The following CDH12 variants were observed in gnomAD, a reference collection of about 807,000 sequenced individuals.
CDH12 encodes cadherin-12.
Under a neutral mutation model 74.1 loss-of-function variants are expected in CDH12, and 41 were observed. The ratio of observed to expected loss-of-function variants is 0.55; its 90% CI spans 0.43 to 0.72. The LOEUF (loss-of-function observed/expected upper bound fraction) is 0.72. CDH12 is among the 30% of genes least tolerant of loss of function. CDH12 has a pLI of 0.00. For synonymous variants in CDH12, 399 were observed against 355.0 expected, an observed-to-expected ratio of 1.12 and a Z score of -1.39; for missense variants, 945 against 977.2, an observed-to-expected ratio of 0.97 and a Z score of 0.44.
intron 1 of CDH12, among the ~76,000 whole-genome samples, chr5:22,812,435 T>C (rs1029513890): frequency 1.1e-4 from 17 of 152,042 alleles, no homozygotes; most frequent in African/African-American, 3.9e-4. Flanking sequence ...AATTCCAAGG[T>C]GAGACAATAA....
At chr5:22,431,432 G>A (rs1744167600) in intron 2 of CDH12, among the ~76,000 whole-genome samples, 1 of 152,200 alleles carries the variant, frequency 6.6e-6, no homozygotes, top group Non-Finnish European at 1.5e-5. Flanking sequence ...TGGTATAAAA[G>A]TAACAGCACA....
At chr5:22,140,718 T>A (rs1365223099) in intron 4 of CDH12, among the ~76,000 whole-genome samples, 1 of 152,152 alleles carries the variant, frequency 6.6e-6, no homozygotes, top group Admixed American at 6.6e-5. Flanking sequence ...CAAGAATCTT[T>A]ATCACAACAG....
At chr5:22,809,196 A>G (rs1162985656) in intron 1 of CDH12, among the ~76,000 whole-genome samples, 1 of 152,052 alleles carries the variant, frequency 6.6e-6, no homozygotes, top group African/African-American at 2.4e-5. Flanking sequence ...AAATATATTT[A>G]AGAAATTTTA....
chr5:22,329,887 T>C (rs1221322648), intron 3 of CDH12, among the ~76,000 whole-genome samples: 1 of 152,166 alleles, frequency 6.6e-6, no homozygotes, highest in Admixed American at 6.5e-5. Flanking sequence ...TGGACTGAAG[T>C]GTTCTGGGCT....
chr5:22,553,672 T>A lies in CDH12; in HGVS notation c.-522-48308A>T, dbSNP rs1371119798. Among the ~76,000 whole-genome samples the A allele has an allele frequency of 3.3e-5, 5 of 152,162 alleles. No homozygotes were observed. The East Asian group carries it at 9.6e-4, about 29-fold the overall frequency. On this transcript the variant is annotated intron_variant, in intron 1 of 14. Transcript: ENST00000382254. ...ATTCCATAACAATGGATAGTAAGAC[T>A]AAACACTGACAAAATATCACTTCTT...
chr5:21,766,998 T>A (rs1745062385), intron 11 of CDH12, among the ~76,000 whole-genome samples: 1 of 151,882 alleles, frequency 6.6e-6, no homozygotes, highest in Non-Finnish European at 1.5e-5. Flanking sequence ...TCTTAAAATC[T>A]ATTATATATT....
At chr5:22,481,318 A>C (rs1464084963) in intron 2 of CDH12, among the ~76,000 whole-genome samples, 2 of 152,200 alleles carry the variant, frequency 1.3e-5, no homozygotes, top group Non-Finnish European at 2.9e-5. Flanking sequence ...AAATAGAATT[A>C]CTATATGATC....
chr5:22,480,246 T>A lies in CDH12; in HGVS notation c.-428+25024A>T, dbSNP rs1404295965. Among the ~76,000 whole-genome samples, 3 of 152,154 alleles carry A rather than the reference T, an allele frequency of 2.0e-5. No homozygotes were observed. The East Asian group carries it at 5.8e-4, about 29-fold the overall frequency. ...AAAGAGTTTTGGTTTTTGACTTTTT[T>A]TTTCTTTTTTACTGGACTTTACCAG... is the stretch of plus-strand genomic sequence containing the variant. On this transcript the variant is annotated intron_variant, in intron 2 of 14. Coordinates refer to ENST00000382254, the MANE Select transcript of CDH12 (RefSeq NM_004061.5).
At chr5:22,392,782 C>T (rs891033971) in intron 3 of CDH12, among the ~76,000 whole-genome samples, 1 of 151,954 alleles carries the variant, frequency 6.6e-6, no homozygotes, top group Non-Finnish European at 1.5e-5. Context: ...GATGTGATGC[C>T]GACATGAGCT....
chr5:21,910,678 T>C (rs1753824301), intron 6 of CDH12, among the ~76,000 whole-genome samples: 1 of 148,348 alleles, frequency 6.7e-6, no homozygotes, highest in African/African-American at 2.5e-5. Context: ...GGATTTATCT[T>C]TTTTTTTTTT....
intron 6 of CDH12, among the ~76,000 whole-genome samples, chr5:21,946,801 A>G (rs1755598272): frequency 6.6e-6 from 1 of 152,216 alleles, no homozygotes; most frequent in Admixed American, 6.5e-5. Context: ...AACCTACTGC[A>G]TTGCCAGTTA....
intron 2 of CDH12, among the ~76,000 whole-genome samples, chr5:22,431,116 A>G (rs1479344211): frequency 2.0e-5 from 3 of 152,162 alleles, no homozygotes; most frequent in Non-Finnish European, 4.4e-5. Context: ...GTTGTTTTCA[A>G]TTGCGTCATC....
chr5:22,261,073 GTA>G (rs70959709), intron 3 of CDH12, among the ~76,000 whole-genome samples: 1 of 149,966 alleles, frequency 6.7e-6, no homozygotes, highest in South Asian at 2.1e-4. Flanking sequence ...GTGTGTGTGT[GTA>G]TATACACATA....
rs986802030 is a variant in CDH12 at position 21,867,312 on chromosome 5, G to A, written c.527-12522C>T. Among the ~76,000 whole-genome samples, 12 of 152,110 alleles carry A rather than the reference G, an allele frequency of 7.9e-5. 1 individual carries two copies. Among genetic ancestry groups the A allele is most frequent in the East Asian group, 5.8e-4 (3 of 5,186 alleles). ...GGAGGTTGCAGTGAGCTGAGGTCAC[G>A]CCATTACACTCCAGCCTGGGGGACA... On this transcript the variant is annotated intron_variant, in intron 6 of 14. Transcript: ENST00000382254.
chr5:22,092,600 G>T (rs1479339323), intron 4 of CDH12, among the ~76,000 whole-genome samples: 1 of 152,108 alleles, frequency 6.6e-6, no homozygotes, highest in East Asian at 1.9e-4. Context: ...AGTAACAAAT[G>T]TTGAAGGAGG....
At chr5:22,261,476 A>G (rs1247011501) in intron 3 of CDH12, among the ~76,000 whole-genome samples, 2 of 152,036 alleles carry the variant, frequency 1.3e-5, no homozygotes, top group Admixed American at 6.6e-5. Flanking sequence ...CAGTTGAAGT[A>G]ATATCAGCAT....
At chr5:22,225,566 T>C (rs1277576993) in intron 3 of CDH12, among the ~76,000 whole-genome samples, 2 of 152,110 alleles carry the variant, frequency 1.3e-5, no homozygotes, top group African/African-American at 4.8e-5. Context: ...TGATGAAACA[T>C]TTTTGTAGAT....
At position 21,805,266 on chromosome 5, in the gene CDH12, AT is replaced by A. The variant is rs578005261; in HGVS notation, c.1003-2847del. Among the ~76,000 whole-genome samples the A allele has an allele frequency of 9.2e-5, 14 of 152,022 alleles. No individual in the cohort carries two copies. The South Asian group carries it at 1.7e-3, about 18-fold the overall frequency. ...CAAATTCTTTCTAGATAAGATCTTA[AT>A]TTTTTTTCCCTACTTGATTACACAC... On this transcript the variant is annotated intron_variant, in intron 9 of 14. Coordinates refer to ENST00000382254, the MANE Select transcript of CDH12 (RefSeq NM_004061.5).
chr5:22,713,448 G>A (rs1743399484), intron 1 of CDH12, among the ~76,000 whole-genome samples: 1 of 151,828 alleles, frequency 6.6e-6, no homozygotes, highest in South Asian at 2.1e-4. Flanking sequence ...GCCGACCTTA[G>A]GCTAATTCTT....
Sources: gnomAD v4.1 joint callset for allele counts (sites outside exome capture counted in the v4.1 genomes callset) on GRCh38, gnomAD v4.1.1 for gene constraint, MANE v1.5 for transcripts, NCBI Gene and HGNC (gene_info 2026-07-23, HGNC 2026-07-21) for gene names.